Variants in CCDC93 observed in about 807,000 individuals in gnomAD.
CCDC93 encodes the protein CCC complex scaffolding subunit CCDC93.
CCDC93 carries 61 observed loss-of-function variants against 108.2 expected under a neutral mutation model. That is an observed-to-expected ratio of 0.56 (90% CI 0.46 to 0.70). The LOEUF is 0.70. Among genes scored for constraint, CCDC93 ranks in the 30% least tolerant of loss-of-function variants. The pLI is 0.00. For synonymous variants in CCDC93, 276 were observed against 260.4 expected (o/e 1.06, Z -0.58); for missense variants, 685 against 764.2 (o/e 0.90, Z 1.22).
chr2:118,008,485 A>C (rs1676936747), intron 2 of CCDC93, 60 bp downstream of exon 2: 1 of 940,658 alleles, frequency 1.1e-6, no homozygotes, highest in Admixed American at 2.3e-5. Context: ...TTTCTTTGCC[A>C]TGATTAACCA....
chr2:117,975,216 T>C lies in CCDC93; in HGVS notation c.722A>G (p.Glu241Gly). Reference sequence around the variant, plus strand: ...TTCAGCTGCTCGAAGCTCATCTTCCTCGTGGGCATCAGCTTTTTCTGTAGC... The same window carrying C: ...TTCAGCTGCTCGAAGCTCATCTTCCCCGTGGGCATCAGCTTTTTCTGTAGC... ...LSATEKADAH[E>G]EDELRAAEEQ... is the part of the protein sequence containing the mutation. Residue 241 changes from glutamate (E) to glycine (G), a missense_variant, in exon 9 of 24, where the codon GAG (glutamate) becomes GGG (glycine). Physicochemically the swap from Glu to Gly is moderately conservative, Grantham distance 98. Coordinates refer to ENST00000376300, the MANE Select transcript of CCDC93 (RefSeq NM_019044.5). 1 of 1,613,992 alleles carries C rather than the reference T, an allele frequency of 6.2e-7. No individual in the cohort carries two copies. Among genetic ancestry groups the C allele is most frequent in the Non-Finnish European group, 8.5e-7 (1 of 1,179,960 alleles).
intron 12 of CCDC93, among the ~76,000 whole-genome samples, chr2:117,955,796 C>T: frequency 6.6e-6 from 1 of 151,640 alleles, no homozygotes; most frequent in South Asian, 2.1e-4. Context: ...GTCTGTGATA[C>T]AATAAGTGAA....
chr2:117,970,133 C>T (rs147402913), intron 11 of CCDC93, among the ~76,000 whole-genome samples: 3 of 152,212 alleles, frequency 2.0e-5, no homozygotes, highest in South Asian at 2.1e-4. Context: ...AACAAAAACA[C>T]CATGCATGAC....
At chr2:118,011,484 G>A (rs1016300434) in intron 1 of CCDC93, among the ~76,000 whole-genome samples, 1 of 152,128 alleles carries the variant, frequency 6.6e-6, no homozygotes, top group Non-Finnish European at 1.5e-5. Context: ...AAAAATCTGG[G>A]ATGGTTGAGA....
Position 117,935,565 on chromosome 2 carries a change from G to A in CCDC93, c.1658C>T (p.Pro553Leu). 1 of 1,613,774 alleles carries A rather than the reference G, an allele frequency of 6.2e-7. No individual in the cohort carries two copies. Among genetic ancestry groups the A allele is most frequent in the Non-Finnish European group, 8.5e-7 (1 of 1,179,718 alleles). The change falls in exon 22 of 24, where the codon CCT (proline) becomes CTT (leucine). Residue 553 changes from proline (P) to leucine (L), a missense_variant. Physicochemically the swap from Pro to Leu is moderately conservative, Grantham distance 98. Coordinates refer to ENST00000376300, the MANE Select transcript of CCDC93 (RefSeq NM_019044.5). ...HENFSQAMASPAARDQFLRQM... is the reference protein window; with the variant it reads ...HENFSQAMASLAARDQFLRQM... ...ACGTAAAAACTGGTCCCGGGCAGCAGGGGAGGCCATGGCCCTGAAAGAAAA... is the reference window on the plus strand; with the variant it reads ...ACGTAAAAACTGGTCCCGGGCAGCAAGGGAGGCCATGGCCCTGAAAGAAAA...
intron 22 of CCDC93, chr2:117,934,146 G>A (rs953023724): frequency 2.0e-5 from 3 of 152,046 alleles, no homozygotes; most frequent in Admixed American, 2.0e-4. Context: ...TTTTTCCTTT[G>A]GCCTCCACTT....
At chr2:118,011,718 G>A (rs1409575457) in intron 1 of CCDC93, among the ~76,000 whole-genome samples, 3 of 151,994 alleles carry the variant, frequency 2.0e-5, no homozygotes, top group African/African-American at 7.3e-5. Flanking sequence ...CCTATCTAAT[G>A]GACACCCACT....
chr2:117,996,665 A>G, intron 4 of CCDC93: 1 of 223,682 alleles, frequency 4.5e-6, no homozygotes, highest in Non-Finnish European at 8.9e-6. Flanking sequence ...TCACAGAGCT[A>G]ACATGGGAGT....
At chr2:117,928,767 C>A (rs1273010776) in intron 23 of CCDC93, among the ~76,000 whole-genome samples, 1 of 152,204 alleles carries the variant, frequency 6.6e-6, no homozygotes, top group Admixed American at 6.5e-5. Context: ...TGGGTACATA[C>A]CCAAAGGATT....
intron 14 of CCDC93, 32 bp downstream of exon 14, chr2:117,949,290 A>G: frequency 6.8e-7 from 1 of 1,480,626 alleles, no homozygotes. Context: ...CTTTCATCAA[A>G]GCAAAAATAA....
chr2:117,939,130 C>T lies in CCDC93; in HGVS notation c.1523-19G>A, dbSNP rs1246587058. ...GCTGAAACTGTAAAAGTAAAGAAAT[C>T]AGCACACGAATAAGAACAGGTATCA... On this transcript the variant is annotated intron_variant, in intron 19 of 23. Transcript: ENST00000376300. 2 of 1,512,690 alleles carry T rather than the reference C, an allele frequency of 1.3e-6. No individual in the cohort carries two copies. Among genetic ancestry groups the T allele is most frequent in the South Asian group, 1.1e-5 (1 of 88,102 alleles). 93.7% of individuals were successfully genotyped at this position (1,512,690 alleles called of 1,614,324 possible). A position where few individuals can be genotyped will look rare whatever the true frequency, so the allele number is the denominator to read the frequency against.
chr2:117,945,503 C>T, intron 17 of CCDC93, 26 bp downstream of exon 17: 1 of 1,604,720 alleles, frequency 6.2e-7, no homozygotes, highest in South Asian at 1.1e-5. Flanking sequence ...GGAGACAATG[C>T]CAGTCCTGAG....
chr2:117,927,424 G>A (rs1678156111), intron 23 of CCDC93, among the ~76,000 whole-genome samples: 1 of 152,152 alleles, frequency 6.6e-6, no homozygotes, highest in African/African-American at 2.4e-5. Context: ...AAAGTCTCAG[G>A]ATACAAAATC....
intron 11 of CCDC93, among the ~76,000 whole-genome samples, chr2:117,964,010 C>T (rs1679474369): frequency 6.6e-6 from 1 of 152,182 alleles, no homozygotes. Flanking sequence ...GTATTGTATA[C>T]TAATTACGTA....
intron 6 of CCDC93, among the ~76,000 whole-genome samples, chr2:117,989,132 TCATTTAGAGC>T (rs2104805036): frequency 6.6e-6 from 1 of 152,324 alleles, no homozygotes; most frequent in East Asian, 1.9e-4. Context: ...AGACTTTTTG[TCATTTAGAGC>T]CTGCCTACTT....
chr2:117,935,003 C>T (rs1480579272), intron 22 of CCDC93: 1 of 152,226 alleles, frequency 6.6e-6, no homozygotes, highest in Non-Finnish European at 1.5e-5. Context: ...TTTGGCAGAA[C>T]TCAGTTCAGC....
intron 23 of CCDC93, among the ~76,000 whole-genome samples, chr2:117,928,256 C>T (rs1022232590): frequency 3.9e-5 from 6 of 152,156 alleles, no homozygotes; most frequent in Non-Finnish European, 2.9e-5. Flanking sequence ...CCAAAATTGA[C>T]AAGTGGGATC....
rs34625797 is a variant in CCDC93, at chr2:117,987,034, T to TA, written c.520-966dup. Among the ~76,000 whole-genome samples, 191 of 127,702 alleles carry TA rather than the reference T, an allele frequency of 1.5e-3. 1 individual carries two copies. In the Middle Eastern group the frequency reaches 0.024, roughly 16 times the overall value. 83.8% of individuals were successfully genotyped at this position (127,702 alleles called of 152,430 possible). A position where few individuals can be genotyped will look rare whatever the true frequency, so the allele number is the denominator to read the frequency against. On this transcript the variant is annotated intron_variant, in intron 6 of 23. Coordinates refer to ENST00000376300, the MANE Select transcript of CCDC93 (RefSeq NM_019044.5). ...AAGGCAAGAAATTGGATTCTTCTAT[T>TA]AAAAAAAAAAAAAAAAAAAGGATTG...
rs1678612662 is a variant in CCDC93 at position 117,939,009 on chromosome 2, C to T, written c.1605+20G>A. The T allele has an allele frequency of 7.2e-7, 1 of 1,389,738 alleles. No homozygotes were observed. The highest frequency in any genetic ancestry group is 1.4e-5 in the African/African-American group (1 of 70,248). The allele number at this position is 1,389,738 out of a possible 1,614,324, so 86.1% of individuals were successfully genotyped here. ...GCACTGTTAGCTGCTTAGCCATTTT[C>T]TTTTTATAAATGTTCTTACCTCTTT... On this transcript the variant is annotated intron_variant, in intron 20 of 23. Transcript: ENST00000376300.
Sources: gnomAD v4.1 joint callset for allele counts (sites outside exome capture counted in the v4.1 genomes callset) on GRCh38, gnomAD v4.1.1 for gene constraint, MANE v1.5 for transcripts, NCBI Gene and HGNC (gene_info 2026-07-23, HGNC 2026-07-21) for gene names.